Variants in GPRC5C observed in about 807,000 individuals in gnomAD.
GPRC5C encodes the protein G protein-coupled receptor class C group 5 member C.
A neutral mutation model predicts 31.4 loss-of-function variants in GPRC5C; 22 were observed. The observed-to-expected ratio is 0.70, with a 90% CI of 0.50 to 1.00. The LOEUF is 1.00. Ranked by LOEUF, GPRC5C falls within the 50% of genes least tolerant of loss-of-function variation. The probability of loss-of-function intolerance (pLI) is 0.00; values close to 1 mark genes in which losing one functional copy is unlikely to be tolerated. For synonymous variants in GPRC5C, 249 were observed against 257.5 expected, an observed-to-expected ratio of 0.97 and a Z score of 0.32; for missense variants, 557 against 597.2, an observed-to-expected ratio of 0.93 and a Z score of 0.70.
intron 1 of GPRC5C, chr17:74,433,694 C>T: frequency 6.2e-7 from 1 of 1,610,820 alleles, no homozygotes; most frequent in Admixed American, 1.7e-5. Context: ...TGTGGTATCC[C>T]TGGGGGAACC....
At chr17:74,447,649 C>T (rs2055662768), downstream of GPRC5C, among the ~76,000 whole-genome samples, 1 of 152,216 alleles carries the variant, frequency 6.6e-6, no homozygotes, top group Non-Finnish European at 1.5e-5. Flanking sequence ...TCAGAATGAA[C>T]ACCCAGGCTC....
At chr17:74,446,002 C>A (rs2055627189) in intron 3 of GPRC5C, 1 of 107,488 alleles carries the variant, frequency 9.3e-6, no homozygotes, top group Non-Finnish European at 1.8e-5. Flanking sequence ...CCCCGCCCAC[C>A]ATCTCTACAA....
intron 3 of GPRC5C, chr17:74,446,037 G>A (rs1237198815): frequency 7.7e-6 from 1 of 129,746 alleles, no homozygotes; most frequent in African/African-American, 3.1e-5. Context: ...CTCCAAATCA[G>A]ACCGGCCAGA....
Position 74,438,253 on chromosome 17 carries a change from T to A in GPRC5C, c.-32-1492T>A, listed in dbSNP as rs758923934. On this transcript the variant is annotated intron_variant, in intron 1 of 3. Coordinates refer to ENST00000392627, the MANE Select transcript of GPRC5C (RefSeq NM_022036.4). ...TATATATATATATATATATATATAT[T>A]TGTTGTTGTTGTTGTTGTTTGTTTT... Among the ~76,000 whole-genome samples the A allele has an allele frequency of 5.9e-3, 536 of 90,208 alleles. 5 individuals are homozygous for A. Among genetic ancestry groups the A allele is most frequent in the African/African-American group, 0.03 (405 of 13,676 alleles). The allele number at this position is 90,208 out of a possible 152,430, so 59.2% of individuals were successfully genotyped here. A position where few individuals can be genotyped will look rare whatever the true frequency, so the allele number is the denominator to read the frequency against.
chr17:74,449,319 TTTCTGG>T (rs1440994846), downstream of GPRC5C: 1 of 1,297,904 alleles, frequency 7.7e-7, no homozygotes. Context: ...ACTCTTGTTC[TTTCTGG>T]TCACTTTAGG....
At chr17:74,433,734 C>G (rs376064874) in intron 1 of GPRC5C, 2 of 1,613,686 alleles carry the variant, frequency 1.2e-6, no homozygotes, top group South Asian at 1.1e-5. Context: ...TCACAGCACC[C>G]TTGAAGACAG....
chr17:74,432,904 C>G (rs1276605548), intron 1 of GPRC5C, among the ~76,000 whole-genome samples: 2 of 151,954 alleles, frequency 1.3e-5, no homozygotes, highest in Non-Finnish European at 1.5e-5. Context: ...TGACTGGTTC[C>G]CTTGCTCCCC....
In GPRC5C at chr17:74,439,967, C is replaced by T. The variant is rs769990315; in HGVS notation, c.191C>T (p.Thr64Met). Reference protein sequence around the residue: ...EAVAGAGIVTTFVLTIILVAS... With the variant: ...EAVAGAGIVTMFVLTIILVAS... Reference sequence around the variant, plus strand: ...GTGGCTGGGGCGGGCATTGTCACCACGTTTGTGCTCACCATCATCCTGGTG... The same window carrying T: ...GTGGCTGGGGCGGGCATTGTCACCATGTTTGTGCTCACCATCATCCTGGTG... The change falls in exon 2 of 4, where the codon ACG (threonine) becomes ATG (methionine). Residue 64 changes from threonine (T) to methionine (M), a missense_variant. Physicochemically the swap from Thr to Met is moderately conservative, Grantham distance 81 (BLOSUM62 -1). Coordinates refer to ENST00000392627, the MANE Select transcript of GPRC5C (RefSeq NM_022036.4). 1.4e-5 allele frequency: 23 copies of T among 1,610,272 alleles called. No homozygotes were observed. The highest frequency in any genetic ancestry group is 1.6e-4 in the Middle Eastern group (1 of 6,082).
downstream of GPRC5C, chr17:74,449,018 G>A (rs1238047986): frequency 1.2e-5 from 8 of 645,198 alleles, no homozygotes; most frequent in South Asian, 3.2e-5. Flanking sequence ...CTGCCAGGCC[G>A]GCCCCGGGGA....
Position 74,444,918 on chromosome 17 carries a change from G to C in GPRC5C, c.1146+1006G>C, listed in dbSNP as rs929146793. On this transcript the variant is annotated intron_variant, in intron 3 of 3. Transcript: ENST00000392627. The stretch of plus-strand genomic sequence containing the variant: ...GACCGGTTCTCAAAACATGGTACCC[G>C]GACCACCAGCACTAGCCTCACCTGG... 3.9e-5 allele frequency among the ~76,000 whole-genome samples: 6 copies of C among 152,244 alleles called. No individual in the cohort carries two copies. The East Asian group carries it at 9.6e-4, about 24-fold the overall frequency.
intron 3 of GPRC5C, among the ~76,000 whole-genome samples, chr17:74,444,435 C>T (rs779921711): frequency 9.2e-5 from 14 of 152,134 alleles, no homozygotes; most frequent in East Asian, 5.8e-4. Context: ...CTAGAAGCAT[C>T]GTTAGCCAGG....
downstream of GPRC5C, chr17:74,449,586 C>T: frequency 7.1e-6 from 2 of 283,224 alleles, no homozygotes; most frequent in South Asian, 5.8e-5. Context: ...TCTTCCTGGT[C>T]CCCAGGTGGC....
At chr17:74,439,715 T>C in intron 1 of GPRC5C, 30 bp from the exon 2 acceptor site, 12 of 1,563,708 alleles carry the variant, frequency 7.7e-6, no homozygotes, top group African/African-American at 1.4e-5. Context: ...CTTGGAGGAC[T>C]AATTTTGTCC....
chr17:74,438,236 TATATATATATATATATTTG>T (rs1339250145), intron 1 of GPRC5C, among the ~76,000 whole-genome samples: 35 of 118,052 alleles, frequency 3.0e-4, no homozygotes, highest in African/African-American at 1.3e-3. Flanking sequence ...TATATATATA[TATATATATATATATATTTG>T]TTGTTGTTGT....
At chr17:74,449,063 CAGCTAGTCAGA>C (rs527600744), downstream of GPRC5C, 33 of 404,478 alleles carry the variant, frequency 8.2e-5, no homozygotes, top group African/African-American at 6.6e-4. Context: ...TGTTTCTCCC[CAGCTAGTCAGA>C]AGCTATTTTC....
downstream of GPRC5C, chr17:74,448,675 G>A (rs1271863390): frequency 7.4e-6 from 3 of 404,620 alleles, no homozygotes; most frequent in African/African-American, 2.1e-5. Context: ...CACCACTCTC[G>A]GCCCATCAGC....
At chr17:74,449,511 C>T (rs1283214241), downstream of GPRC5C, 3 of 417,196 alleles carry the variant, frequency 7.2e-6, no homozygotes, top group East Asian at 7.8e-5. Context: ...ACCGAGTGGG[C>T]CCCCGTGAAG....
chr17:74,439,863 C>G lies in GPRC5C; in HGVS notation c.87C>G (p.Pro29=), dbSNP rs147345722. 1.8e-5 allele frequency: 29 copies of G among 1,613,284 alleles called. No homozygotes were observed. Among genetic ancestry groups the G allele is most frequent in the Non-Finnish European group, 2.4e-5 (28 of 1,180,032 alleles). The part of the protein sequence containing the change: ...PGAWAQGHVP[P]GCSQGLNPLY... ...CCTGGGCCCAGGGCCATGTCCCACC[C>G]GGCTGCAGCCAAGGCCTCAACCCCC... The change falls in exon 2 of 4, where the codon CCC becomes CCG. Residue 29 remains proline, a synonymous_variant. Transcript: ENST00000392627.
intron 1 of GPRC5C, chr17:74,433,641 T>C (rs2055388282): frequency 2.2e-6 from 3 of 1,335,278 alleles, no homozygotes; most frequent in Middle Eastern, 1.8e-4. Flanking sequence ...CGTCTTTCCC[T>C]ATAGGCTCTT....
Sources: allele counts gnomAD v4.1 joint callset (sites outside exome capture counted in the v4.1 genomes callset), GRCh38; gene constraint gnomAD v4.1.1; transcripts MANE v1.5; gene names NCBI Gene and HGNC (gene_info 2026-07-23, HGNC 2026-07-21).